PTPRG: variants seen among roughly 807,000 people sequenced by gnomAD.
PTPRG encodes protein tyrosine phosphatase receptor type G.
A neutral mutation model predicts 165.3 loss-of-function variants in PTPRG; 102 were observed. The observed-to-expected ratio is 0.62, with a 90% CI of 0.53 to 0.73. The LOEUF (loss-of-function observed/expected upper bound fraction) is 0.73. Ranked by LOEUF, PTPRG falls within the 30% of genes least tolerant of loss-of-function variation. The pLI, the probability that PTPRG is intolerant of heterozygous loss-of-function variation, is 0.00. For synonymous variants in PTPRG, 675 were observed against 669.5 expected, an observed-to-expected ratio of 1.01 and a Z score of -0.13; for missense variants, 1,866 against 1,861.4, an observed-to-expected ratio of 1.00 and a Z score of -0.05.
chr3:61,588,196 C>T (rs894920488), intron 1 of PTPRG, among the ~76,000 whole-genome samples: 6 of 152,088 alleles, frequency 3.9e-5, no homozygotes, highest in Admixed American at 1.3e-4. Context: ...TACAGTTATG[C>T]GTCCTGTTTC....
intron 2 of PTPRG, among the ~76,000 whole-genome samples, chr3:61,969,686 A>G (rs574888615): frequency 6.6e-6 from 1 of 152,256 alleles, no homozygotes; most frequent in South Asian, 2.1e-4. Flanking sequence ...TGCATCGTGC[A>G]TGGACCCTGG....
chr3:62,262,728 T>C, intron 16 of PTPRG, 70 bp from the exon 17 acceptor site: 1 of 1,131,306 alleles, frequency 8.8e-7, no homozygotes, highest in Non-Finnish European at 1.3e-6. Flanking sequence ...AAATACTTTA[T>C]GCCTTTAAAT....
intron 1 of PTPRG, among the ~76,000 whole-genome samples, chr3:61,743,684 G>C (rs1232929738): frequency 6.6e-6 from 1 of 152,114 alleles, no homozygotes; most frequent in Admixed American, 6.5e-5. Context: ...ACTGAAAAAC[G>C]ACTTCCCCTC....
At chr3:62,070,765 A>G (rs1015116509) in intron 4 of PTPRG, among the ~76,000 whole-genome samples, 4 of 152,142 alleles carry the variant, frequency 2.6e-5, no homozygotes, top group Admixed American at 2.6e-4. Flanking sequence ...CTGTGTTTGG[A>G]TGTTTACTTT....
At chr3:62,085,272 T>A (rs971435) in intron 5 of PTPRG, among the ~76,000 whole-genome samples, 49,828 of 152,050 alleles carry the variant, frequency 0.33, 10,280 homozygotes, top group African/African-American at 0.59. Flanking sequence ...CCCAAAAAGG[T>A]TGCTGTTTGT....
intron 4 of PTPRG, among the ~76,000 whole-genome samples, chr3:62,059,099 A>C (rs62243314): frequency 6.6e-6 from 1 of 152,104 alleles, no homozygotes; most frequent in Non-Finnish European, 1.5e-5. Flanking sequence ...TTCACCAGCT[A>C]TGTTCTTGAA....
At chr3:62,047,382 C>A (rs1700329608) in intron 4 of PTPRG, among the ~76,000 whole-genome samples, 1 of 152,120 alleles carries the variant, frequency 6.6e-6, no homozygotes, top group Non-Finnish European at 1.5e-5. Flanking sequence ...GCTTCAGCTT[C>A]CCAAGTAGCT....
intron 5 of PTPRG, among the ~76,000 whole-genome samples, chr3:62,123,520 A>G (rs1385822438): frequency 2.6e-5 from 4 of 152,348 alleles, no homozygotes; most frequent in East Asian, 1.9e-4. Flanking sequence ...CATAATAAAA[A>G]TCAAAGCACT....
At chr3:61,617,386 G>A (rs767476540) in intron 1 of PTPRG, among the ~76,000 whole-genome samples, 1 of 152,134 alleles carries the variant, frequency 6.6e-6, no homozygotes, top group Non-Finnish European at 1.5e-5. Context: ...GGACTTGTTC[G>A]GCATGTGGGT....
At chr3:61,915,043 A>AC (rs1356915753) in intron 2 of PTPRG, among the ~76,000 whole-genome samples, 1 of 152,228 alleles carries the variant, frequency 6.6e-6, no homozygotes, top group Non-Finnish European at 1.5e-5. Context: ...AGCCTGAACA[A>AC]CATGGTGAAA....
intron 2 of PTPRG, among the ~76,000 whole-genome samples, chr3:61,831,393 A>G (rs2036288951): frequency 6.6e-6 from 1 of 152,234 alleles, no homozygotes. Context: ...CATTGGGATA[A>G]TTTTTACTTA....
At chr3:61,622,011 T>C (rs138061080) in intron 1 of PTPRG, among the ~76,000 whole-genome samples, 2 of 152,200 alleles carry the variant, frequency 1.3e-5, no homozygotes. Context: ...TTCTTGAAAG[T>C]CATCACTCAA....
At chr3:61,932,868 A>G (rs1240563368) in intron 2 of PTPRG, among the ~76,000 whole-genome samples, 1 of 152,128 alleles carries the variant, frequency 6.6e-6, no homozygotes, top group Non-Finnish European at 1.5e-5. Context: ...TCAGTATTTC[A>G]TGGGAGGCAG....
At position 62,228,251 on chromosome 3, in the gene PTPRG, G is replaced by A. The variant is rs908951777; in HGVS notation, c.2289-2974G>A. Among the ~76,000 whole-genome samples the A allele has an allele frequency of 4.6e-5, 7 of 152,080 alleles. No individual in the cohort carries two copies. The highest frequency in any genetic ancestry group is 1.2e-4 in the African/African-American group (5 of 41,414). On this transcript the variant is annotated intron_variant, in intron 13 of 29. Transcript: ENST00000474889. The surrounding 1 kb of genome is among the most constrained non-coding windows in gnomAD (Gnocchi z 4.1). ...AACAAAGAAAAAGGAGGCTGGGCGC[G>A]GTGGCTCATGCCTGTCATCTCAGCA...
At position 62,271,926 on chromosome 3, in the gene PTPRG, CA is replaced by C. The variant is rs1381378518; in HGVS notation, c.3182+376del. On this transcript the variant is annotated intron_variant, in intron 21 of 29. Coordinates refer to ENST00000474889, the MANE Select transcript of PTPRG (RefSeq NM_002841.4). The surrounding 1 kb of genome is among the most constrained non-coding windows in gnomAD (Gnocchi z 4.1). The stretch of plus-strand genomic sequence containing the variant: ...GCAACAAAGTGACACCCCATTTCTA[CA>C]AAAATTAAAAATAAAAAAATTAGCC... Among the ~76,000 whole-genome samples the C allele has an allele frequency of 3.3e-5, 5 of 151,792 alleles. No individual in the cohort carries two copies. The East Asian group carries it at 9.7e-4, about 29-fold the overall frequency.
intron 1 of PTPRG, among the ~76,000 whole-genome samples, chr3:61,682,800 A>G (rs1205810334): frequency 6.6e-6 from 1 of 152,224 alleles, no homozygotes; most frequent in Non-Finnish European, 1.5e-5. Flanking sequence ...ATGGAGGATT[A>G]TGACTCAAAT....
At chr3:62,196,401 C>T (rs1401505144) in intron 10 of PTPRG, among the ~76,000 whole-genome samples, 1 of 151,710 alleles carries the variant, frequency 6.6e-6, no homozygotes, top group Admixed American at 6.6e-5. Flanking sequence ...AAAACTCCGT[C>T]TCGAAAAATG....
intron 1 of PTPRG, among the ~76,000 whole-genome samples, chr3:61,687,854 CTT>C (rs892598616): frequency 3.9e-5 from 6 of 152,084 alleles, no homozygotes; most frequent in Admixed American, 1.3e-4. Context: ...AGGATTATGA[CTT>C]TTTTTTGTTT....
chr3:61,629,004 C>A (rs1454064553), intron 1 of PTPRG, among the ~76,000 whole-genome samples: 1 of 152,162 alleles, frequency 6.6e-6, no homozygotes, highest in African/African-American at 2.4e-5. Flanking sequence ...AGTGAAACGT[C>A]TGCCATGCAT....
Sources: allele counts gnomAD v4.1 joint callset (sites outside exome capture counted in the v4.1 genomes callset), GRCh38; gene constraint gnomAD v4.1.1; non-coding constraint Gnocchi (gnomAD v3.1); transcripts MANE v1.5; gene names NCBI Gene and HGNC (gene_info 2026-07-23, HGNC 2026-07-21).